The following NAALADL1 variants were observed in gnomAD, a reference collection of about 807,000 sequenced individuals.
The protein encoded by NAALADL1 is N-acetylated alpha-linked acidic dipeptidase like 1, also known as aminopeptidase NAALADL1.
NAALADL1 carries 77 observed loss-of-function variants against 82.8 expected under a neutral mutation model. The ratio of observed to expected loss-of-function variants is 0.93; its 90% CI spans 0.77 to 1.12. The LOEUF (loss-of-function observed/expected upper bound fraction) is 1.12. Ranked by LOEUF, NAALADL1 falls within the 50% of genes most tolerant of loss-of-function variation. The pLI, the probability that NAALADL1 is intolerant of heterozygous loss-of-function variation, is 0.00. For synonymous variants in NAALADL1, 358 were observed against 399.2 expected, an observed-to-expected ratio of 0.90 and a Z score of 1.23; for missense variants, 956 against 964.0, an observed-to-expected ratio of 0.99 and a Z score of 0.11.
In NAALADL1 at chr11:65,048,212, ACTC is replaced by A. The variant is rs764129098; in HGVS notation, c.1285_1287del (p.Glu429del). Reference sequence around the variant, plus strand: ...GTGCGCTCCTGCAGCTTGTTGAAGAACTCCTGCGGGTGCGAGGGGCGACGTCAG... The same window carrying A: ...GTGCGCTCCTGCAGCTTGTTGAAGAACTGCGGGTGCGAGGGGCGACGTCAG... On this transcript the variant is annotated inframe_deletion and splice_region_variant, in exon 10 of 18. Coordinates refer to ENST00000358658, the MANE Select transcript of NAALADL1 (RefSeq NM_005468.3). 1.5e-4 allele frequency: 242 copies of A among 1,611,298 alleles called. No individual in the cohort carries two copies. The highest frequency in any genetic ancestry group is 1.8e-4 in the Non-Finnish European group (213 of 1,179,282).
intron 8 of NAALADL1, among the ~76,000 whole-genome samples, chr11:65,051,701 G>A (rs907142338): frequency 1.3e-5 from 2 of 151,970 alleles, no homozygotes; most frequent in African/African-American, 4.8e-5. Context: ...CAGCAGTGGC[G>A]TGTTTGTGTG....
intron 4 of NAALADL1, among the ~76,000 whole-genome samples, chr11:65,056,658 TG>T (rs1332891843): frequency 6.6e-6 from 1 of 151,312 alleles, no homozygotes; most frequent in African/African-American, 2.4e-5. Flanking sequence ...CCGCCTGCCT[TG>T]GCCCCGCAAA....
In NAALADL1 at chr11:65,053,666, G is replaced by A; in HGVS notation, c.993-90C>T. The A allele has an allele frequency of 8.3e-7, 1 of 1,201,772 alleles. No homozygotes were observed. Among genetic ancestry groups the A allele is most frequent in the Non-Finnish European group, 1.2e-6 (1 of 861,784 alleles). 74.4% of individuals were successfully genotyped at this position (1,201,772 alleles called of 1,614,324 possible). ...AGACACTGAGGCCCGGAGCTGGAAAGTGACGTGGCAAGGCCATTCATTGGC... is the reference window on the plus strand; with the variant it reads ...AGACACTGAGGCCCGGAGCTGGAAAATGACGTGGCAAGGCCATTCATTGGC... On this transcript the variant is annotated intron_variant, in intron 6 of 17. Transcript: ENST00000358658. The surrounding 1 kb of genome is among the most constrained non-coding windows in gnomAD (Gnocchi z 4.3).
chr11:65,051,671 AG>A (rs35230204), intron 8 of NAALADL1, among the ~76,000 whole-genome samples: 17 of 151,428 alleles, frequency 1.1e-4, no homozygotes, highest in Admixed American at 2.6e-4. Flanking sequence ...ATATCATACA[AG>A]GGGGGGGATG....
At position 65,047,981 on chromosome 11, in the gene NAALADL1, C is replaced by A; in HGVS notation, c.1416G>T (p.Glu472Asp). ...CCCCGCCCGGCCTGCCCCCTTCCAC[C>A]TCTTTGGTTGCAGAGAAGACGACGC... The part of the protein sequence containing the change: ...VQSVVFSATK[E>D]IRSPGPGDLS... The change falls in exon 11 of 18, where the codon GAG (glutamate) becomes GAT (aspartate). Residue 472 changes from glutamate to aspartate, a missense_variant and splice_region_variant. By Grantham distance (45) the Glu-to-Asp change is conservative. Transcript: ENST00000358658. 6.2e-7 allele frequency: 1 copy of A among 1,609,760 alleles called. No individual in the cohort carries two copies. The highest frequency in any genetic ancestry group is 8.5e-7 in the Non-Finnish European group (1 of 1,178,056).
intron 8 of NAALADL1, among the ~76,000 whole-genome samples, chr11:65,051,315 CTTTTTTTTTTTTTTTTTTTTT>C (rs10535126): frequency 4.4e-4 from 26 of 59,570 alleles, no homozygotes; most frequent in African/African-American, 1.4e-3. Flanking sequence ...TTCTTTCTTT[CTTTTTTTTTTTTTTTTTTTTT>C]TTTTTTTTTT....
intron 8 of NAALADL1, among the ~76,000 whole-genome samples, chr11:65,052,669 C>T (rs537279461): frequency 1.5e-4 from 23 of 152,260 alleles, no homozygotes; most frequent in Middle Eastern, 6.8e-3. Context: ...AATCCTTCAC[C>T]GGCTTCCCAC....
intron 8 of NAALADL1, among the ~76,000 whole-genome samples, chr11:65,051,339 T>TTTTTTTTTTTTTTTTTTTTTTTG (rs1946883917): frequency 1.2e-5 from 1 of 84,576 alleles, no homozygotes; most frequent in African/African-American, 5.8e-5. Flanking sequence ...TTTTTTTTTT[T>TTTTTTTTTTTTTTTTTTTTTTTG]TTTTTTTTTT....
At chr11:65,046,408 G>A (rs1946730022) in intron 14 of NAALADL1, 37 bp downstream of exon 14, 4 of 1,614,190 alleles carry the variant, frequency 2.5e-6, no homozygotes, top group Non-Finnish European at 2.5e-6. Flanking sequence ...AGCCTCTCCT[G>A]TCCTGGTCTC....
Position 65,057,857 on chromosome 11 carries a change from G to C in NAALADL1, c.480+18C>G, listed in dbSNP as rs201295446. On this transcript the variant is annotated intron_variant, in intron 3 of 17. Coordinates refer to ENST00000358658, the MANE Select transcript of NAALADL1 (RefSeq NM_005468.3). The stretch of plus-strand genomic sequence containing the variant: ...CAAGGGAGCTGGGCCAGAGCAGTAG[G>C]GGGGGTTCTGGGCCCACCTGTGGGG... 1.5e-5 allele frequency: 25 copies of C among 1,612,938 alleles called. No homozygotes were observed. The highest frequency in any genetic ancestry group is 5.3e-5 in the African/African-American group (4 of 74,872).
rs775966959 is a variant in NAALADL1 at position 65,048,346 on chromosome 11, C to G, written c.1238G>C (p.Trp413Ser). ...AATGAGCCCAAACTCCTCAGCCCCC[C>G]AGCTCGCAAACACGATTGATCTGCG... ...RPRRSIVFAS[W>S]GAEEFGLIGS... Residue 413 changes from tryptophan to serine, a missense_variant, in exon 9 of 18, where the codon TGG (tryptophan) becomes TCG (serine). Trp to Ser is a radical substitution (Grantham distance 177). Coordinates refer to ENST00000358658, the MANE Select transcript of NAALADL1 (RefSeq NM_005468.3). 5.0e-6 allele frequency: 8 copies of G among 1,614,078 alleles called. No homozygotes were observed. Among genetic ancestry groups the G allele is most frequent in the Admixed American group, 3.3e-5 (2 of 60,008 alleles).
chr11:65,051,315 C>CTTTTTTTTTT lies in NAALADL1; in HGVS notation c.1198+1893_1198+1902dup, dbSNP rs10535126. 3.9e-4 allele frequency among the ~76,000 whole-genome samples: 23 copies of CTTTTTTTTTT among 59,572 alleles called. 3 individuals are homozygous for CTTTTTTTTTT. Among genetic ancestry groups the CTTTTTTTTTT allele is most frequent in the African/African-American group, 1.2e-3 (19 of 15,598 alleles). The allele number at this position is 59,572 out of a possible 152,430, so 39.1% of individuals were successfully genotyped here. On this transcript the variant is annotated intron_variant, in intron 8 of 17. Coordinates refer to ENST00000358658, the MANE Select transcript of NAALADL1 (RefSeq NM_005468.3). The stretch of plus-strand genomic sequence containing the variant: ...AAGTCTCTCTCTCCTTTCTTTCTTT[C>CTTTTTTTTTT]TTTTTTTTTTTTTTTTTTTTTTTTT...
chr11:65,050,561 G>A (rs1946859473), intron 8 of NAALADL1, among the ~76,000 whole-genome samples: 1 of 151,630 alleles, frequency 6.6e-6, no homozygotes, highest in Non-Finnish European at 1.5e-5. Context: ...AGGCCAGAGC[G>A]GGTGGATCAC....
At chr11:65,047,910 C>CCGT in intron 11 of NAALADL1, 71 bp downstream of exon 11, 6 of 1,358,292 alleles carry the variant, frequency 4.4e-6, no homozygotes, top group Middle Eastern at 2.6e-4. Context: ...CCCGCCCACC[C>CCGT]GTAGCGGCCC....
In NAALADL1 at chr11:65,047,994, G is replaced by C. The variant is rs1401672573; in HGVS notation, c.1403C>G (p.Ser468Cys). Reference sequence around the variant, plus strand: ...GCCCCCTTCCACCTCTTTGGTTGCAGAGAAGACGACGCTCTGGACAGGGGG... The same window carrying C: ...GCCCCCTTCCACCTCTTTGGTTGCACAGAAGACGACGCTCTGGACAGGGGG... ...GTPPVQSVVF[S>C]ATKEIRSPGP... Residue 468 changes from serine (S) to cysteine (C), a missense_variant, in exon 11 of 18, where the codon TCT becomes TGT. Physicochemically the swap from Ser to Cys is moderately radical, Grantham distance 112 (BLOSUM62 -1). Transcript: ENST00000358658. 4.3e-6 allele frequency: 7 copies of C among 1,610,732 alleles called. No homozygotes were observed. The highest frequency in any genetic ancestry group is 5.9e-6 in the Non-Finnish European group (7 of 1,178,860).
In NAALADL1 at chr11:65,057,925, G is replaced by A; in HGVS notation, c.430C>T (p.Pro144Ser). 1 of 1,614,052 alleles carries A rather than the reference G, an allele frequency of 6.2e-7. No homozygotes were observed. The highest frequency in any genetic ancestry group is 1.3e-5 in the African/African-American group (1 of 75,002). ...EENVTGEQGG[P>S]DVVQPYAAYA... is the part of the protein sequence containing the mutation. Reference sequence around the variant, plus strand: ...GCAGCATAGGGTTGTACCACATCTGGCCCCCCTTGCTCCCCGGTCACGTTC... The same window carrying A: ...GCAGCATAGGGTTGTACCACATCTGACCCCCCTTGCTCCCCGGTCACGTTC... Residue 144 changes from proline (P) to serine (S), a missense_variant, in exon 3 of 18, where the codon CCA (proline) becomes TCA (serine). Physicochemically the swap from Pro to Ser is moderately conservative, Grantham distance 74. Transcript: ENST00000358658.
chr11:65,048,062 G>A lies in NAALADL1; in HGVS notation c.1349-14C>T, dbSNP rs1946785043. On this transcript the variant is annotated splice_polypyrimidine_tract_variant and intron_variant, in intron 10 of 17. Coordinates refer to ENST00000358658, the MANE Select transcript of NAALADL1 (RefSeq NM_005468.3). ...GGGTAGCGTTGGCTGTGGGAGGAGG[G>A]GAGAAAGACTATTTGGGCCCCAGCC... 1.2e-6 allele frequency: 2 copies of A among 1,614,042 alleles called. No homozygotes were observed. The highest frequency in any genetic ancestry group is 1.7e-6 in the Non-Finnish European group (2 of 1,179,984).
At chr11:65,052,290 C>T (rs548195865) in intron 8 of NAALADL1, among the ~76,000 whole-genome samples, 1 of 152,100 alleles carries the variant, frequency 6.6e-6, no homozygotes, top group South Asian at 2.1e-4. Flanking sequence ...GCCTGGCCCC[C>T]CTATGTGGAG....
rs1946708101 is a variant in NAALADL1, at chr11:65,045,836, C to T, written c.2022G>A (p.Glu674=). The T allele has an allele frequency of 1.9e-6, 3 of 1,614,060 alleles. No individual in the cohort carries two copies. Among genetic ancestry groups the T allele is most frequent in the Non-Finnish European group, 2.5e-6 (3 of 1,179,978 alleles). Residue 674 remains glutamate (E), a synonymous_variant, in exon 17 of 18, where the codon GAG becomes GAA. Coordinates refer to ENST00000358658, the MANE Select transcript of NAALADL1 (RefSeq NM_005468.3). ...GACAGACTCACCTGTAGTAGCGTTC[C>T]TCTGGGAAGGCTCTAGGGTTCAGAA... ...RTFLNPRAFP[E]ERYYSHVLWA... is the part of the protein sequence containing the mutation.
Sources: gnomAD v4.1 joint callset for allele counts (sites outside exome capture counted in the v4.1 genomes callset) on GRCh38, gnomAD v4.1.1 for gene constraint, Gnocchi (gnomAD v3.1) non-coding constraint, MANE v1.5 for transcripts, NCBI Gene and HGNC (gene_info 2026-07-23, HGNC 2026-07-21) for gene names.